The following TBL1X variants were observed in gnomAD, a reference collection of about 807,000 sequenced individuals.
The protein encoded by TBL1X is transducin beta like 1 X-linked, also known as F-box-like/WD repeat-containing protein TBL1X.
In TBL1X, 10 loss-of-function variants were observed where a neutral mutation model predicts 50.7. The observed-to-expected ratio is 0.20, with a 90% CI of 0.12 to 0.33. The LOEUF (loss-of-function observed/expected upper bound fraction) is 0.33. Ranked by LOEUF, TBL1X falls within the 10% of genes least tolerant of loss-of-function variation. The pLI is 1.00. For missense variants in TBL1X, 340 were observed against 504.4 expected (o/e 0.67, Z 3.12); for synonymous variants, 190 against 214.7 (o/e 0.88, Z 1.01).
intron 2 of TBL1X, among the ~76,000 whole-genome samples, chrX:9,541,363 G>A (rs1381905247): frequency 9.0e-6 from 1 of 111,113 alleles, no homozygotes; most frequent in African/African-American, 3.3e-5. Flanking sequence ...ACACTGGATG[G>A]TTAGATTGGA....
chrX:9,608,303 G>A lies in TBL1X; in HGVS notation c.-130-31970G>A, dbSNP rs994778239. On this transcript the variant is annotated intron_variant, in intron 2 of 17. Transcript: ENST00000645353. The stretch of plus-strand genomic sequence containing the variant: ...TCATGGGTGTTGGGTTGCGATTAAT[G>A]TTTTTCCCTTTCCATGTAGTATTCT... 2.7e-5 allele frequency among the ~76,000 whole-genome samples: 3 copies of A among 111,949 alleles called. No homozygotes were observed. In the Admixed American group the frequency reaches 2.8e-4, roughly 11 times the overall value.
intron 2 of TBL1X, among the ~76,000 whole-genome samples, chrX:9,524,054 A>G (rs1225757302): frequency 2.3e-5 from 2 of 86,429 alleles, no homozygotes; most frequent in Non-Finnish European, 4.2e-5. Context: ...TGCAACCTCC[A>G]CCTCCCAGGT....
intron 2 of TBL1X, chrX:9,639,881 C>A (rs1329288683): frequency 9.0e-6 from 1 of 111,583 alleles, no homozygotes; most frequent in Non-Finnish European, 1.9e-5. Flanking sequence ...CTGAATAAGG[C>A]CCTGTTCCAA....
At chrX:9,570,379 G>A (rs1203634548) in intron 2 of TBL1X, among the ~76,000 whole-genome samples, 1 of 111,651 alleles carries the variant, frequency 9.0e-6, no homozygotes, top group African/African-American at 3.3e-5. Flanking sequence ...ATGGGACGTG[G>A]GGAGCGCGTA....
intron 2 of TBL1X, among the ~76,000 whole-genome samples, chrX:9,608,192 C>T (rs559758679): frequency 1.8e-5 from 2 of 110,834 alleles, no homozygotes; most frequent in East Asian, 2.8e-4. Flanking sequence ...AGAGGTGAAG[C>T]GCCCTTCTCA....
chrX:9,590,844 A>G (rs1319201677), intron 2 of TBL1X, among the ~76,000 whole-genome samples: 2 of 110,563 alleles, frequency 1.8e-5, no homozygotes, highest in African/African-American at 6.6e-5. Context: ...CATGAGTCTT[A>G]CTGTGGGGGT....
At chrX:9,606,548 C>T (rs1163814355) in intron 2 of TBL1X, among the ~76,000 whole-genome samples, 1 of 110,560 alleles carries the variant, frequency 9.0e-6, no homozygotes, top group African/African-American at 3.3e-5. Flanking sequence ...GGTGTGGTGG[C>T]GCATGGCTGT....
intron 2 of TBL1X, among the ~76,000 whole-genome samples, chrX:9,625,638 T>C (rs1448741348): frequency 2.7e-5 from 3 of 112,489 alleles, no homozygotes; most frequent in African/African-American, 9.7e-5. Context: ...GTAGGTAAGA[T>C]AAAAGAAAAT....
At chrX:9,663,760 C>CAA (rs57927750) in intron 5 of TBL1X, among the ~76,000 whole-genome samples, 24 of 39,243 alleles carry the variant, frequency 6.1e-4, no homozygotes, top group East Asian at 1.0e-3. Flanking sequence ...GATTCTGTCT[C>CAA]AAAAAAAAAA....
intron 3 of TBL1X, among the ~76,000 whole-genome samples, chrX:9,643,310 CAA>C (rs1338527310): frequency 1.8e-5 from 2 of 111,347 alleles, no homozygotes; most frequent in Non-Finnish European, 3.8e-5. Flanking sequence ...CCCTAAATGT[CAA>C]ACGTGAGGAG....
rs1053064286 is a variant in TBL1X at position 9,656,276 on chromosome X, A to T, written c.211+1954A>T. On this transcript the variant is annotated intron_variant, in intron 5 of 17. Coordinates refer to ENST00000645353, the MANE Select transcript of TBL1X (RefSeq NM_005647.4). Reference sequence around the variant, plus strand: ...GTCGACTTGTGGCATGGAATTTGAGATTCTTTCCATTTAGCAACACCTCTG... The same window carrying T: ...GTCGACTTGTGGCATGGAATTTGAGTTTCTTTCCATTTAGCAACACCTCTG... Among the ~76,000 whole-genome samples, 8 of 112,140 alleles carry T rather than the reference A, an allele frequency of 7.1e-5. No individual in the cohort carries two copies. In the Admixed American group the frequency reaches 7.6e-4, roughly 11 times the overall value.
intron 2 of TBL1X, among the ~76,000 whole-genome samples, chrX:9,594,134 A>G (rs182087618): frequency 8.9e-6 from 1 of 112,934 alleles, no homozygotes; most frequent in African/African-American, 3.2e-5. Flanking sequence ...TATAGCTTTC[A>G]AGAAGGTGCT....
intron 2 of TBL1X, among the ~76,000 whole-genome samples, chrX:9,541,239 G>A (rs145083881): frequency 0.02 from 2,220 of 111,124 alleles, 30 homozygotes; most frequent in Non-Finnish European, 0.033. Flanking sequence ...TTAGGTACGT[G>A]ATGTGGGAAA....
chrX:9,491,104 G>C (rs1450699003), intron 1 of TBL1X, among the ~76,000 whole-genome samples: 2 of 107,053 alleles, frequency 1.9e-5, no homozygotes, highest in African/African-American at 3.4e-5. Flanking sequence ...TCAGCCTCTT[G>C]AGTAGCTTGG....
chrX:9,685,177 A>G (rs767476462), intron 6 of TBL1X, among the ~76,000 whole-genome samples: 1 of 112,173 alleles, frequency 8.9e-6, no homozygotes, highest in Admixed American at 9.4e-5. Flanking sequence ...TTTAAACCAC[A>G]CACCTCACCC....
chrX:9,593,531 C>T (rs1476645232), intron 2 of TBL1X, among the ~76,000 whole-genome samples: 1 of 110,993 alleles, frequency 9.0e-6, no homozygotes, highest in Non-Finnish European at 1.9e-5. Flanking sequence ...CCAACCTTGA[C>T]CTACCTCTGA....
At chrX:9,501,991 T>C (rs1221808394) in intron 2 of TBL1X, 142 bp downstream of exon 2, 1 of 112,285 alleles carries the variant, frequency 8.9e-6, no homozygotes, top group Non-Finnish European at 1.9e-5. Flanking sequence ...CCTTATACCT[T>C]TGCAATTTCC....
At chrX:9,606,819 A>G (rs1404770295) in intron 2 of TBL1X, among the ~76,000 whole-genome samples, 1 of 112,499 alleles carries the variant, frequency 8.9e-6, no homozygotes, top group South Asian at 3.7e-4. Context: ...CTCAGCTCCC[A>G]CCTGCACTAT....
chrX:9,696,235 G>T (rs746270823), intron 11 of TBL1X, among the ~76,000 whole-genome samples: 1 of 112,323 alleles, frequency 8.9e-6, no homozygotes, highest in African/African-American at 3.2e-5. Flanking sequence ...GTTTTTGCAT[G>T]GCTAAATTAA....
Sources: gnomAD v4.1 joint callset for allele counts (sites outside exome capture counted in the v4.1 genomes callset) on GRCh38, gnomAD v4.1.1 for gene constraint, MANE v1.5 for transcripts, NCBI Gene and HGNC (gene_info 2026-07-23, HGNC 2026-07-21) for gene names.